Variants in ARHGAP35 observed in about 807,000 individuals in gnomAD.
ARHGAP35 encodes the protein rho GTPase-activating protein 35.
Under a neutral mutation model 111.1 loss-of-function variants are expected in ARHGAP35, and 15 were observed. The observed-to-expected ratio is 0.13, with a 90% CI of 0.09 to 0.21. The LOEUF (loss-of-function observed/expected upper bound fraction) is 0.21, where lower values mean the gene tolerates loss of function less well. Among genes scored for constraint, ARHGAP35 ranks in the 10% least tolerant of loss-of-function variants. The pLI, the probability that ARHGAP35 is intolerant of heterozygous loss-of-function variation, is 1.00. For missense variants in ARHGAP35, 1,262 were observed against 1,873.0 expected (o/e 0.67, Z 6.02); for synonymous variants, 643 against 710.3 (o/e 0.91, Z 1.51).
intron 1 of ARHGAP35, among the ~76,000 whole-genome samples, chr19:46,874,152 C>T (rs1480857058): frequency 6.6e-6 from 1 of 152,152 alleles, no homozygotes; most frequent in Non-Finnish European, 1.5e-5. Context: ...GAAGAGGGAA[C>T]AAACTAGTTC....
intron 3 of ARHGAP35, among the ~76,000 whole-genome samples, chr19:46,938,240 A>G (rs570227906): frequency 6.6e-6 from 1 of 152,356 alleles, no homozygotes; most frequent in East Asian, 1.9e-4. Flanking sequence ...TGGACAGCCT[A>G]CTAGGCTCTG....
rs763485583 is a variant in ARHGAP35 at position 46,919,726 on chromosome 19, C to G, written c.1051C>G (p.Leu351Val). 14 of 1,613,858 alleles carry G rather than the reference C, an allele frequency of 8.7e-6. No homozygotes were observed. The highest frequency in any genetic ancestry group is 1.2e-5 in the Non-Finnish European group (14 of 1,179,890). ...LAALPLAFEA[L>V]IPNLDEIDHL... ...AGCCCTGCCATTAGCTTTTGAAGCT[C>G]TTATACCTAATCTAGATGAAATAGA... The change falls in exon 2 of 7, where the codon CTT becomes GTT. Residue 351 changes from leucine (L) to valine (V), a missense_variant. Physicochemically the swap from Leu to Val is conservative, Grantham distance 32. Transcript: ENST00000672722. The surrounding 1 kb of genome is among the most constrained non-coding windows in gnomAD (Gnocchi z 6.2).
intron 1 of ARHGAP35, among the ~76,000 whole-genome samples, chr19:46,899,802 CTT>C (rs2056075745): frequency 6.6e-6 from 1 of 151,824 alleles, no homozygotes; most frequent in African/African-American, 2.4e-5. Context: ...TGAGGAAACT[CTT>C]ATGATAGCTC....
intron 3 of ARHGAP35, among the ~76,000 whole-genome samples, chr19:46,965,689 T>A (rs1445366344): frequency 6.6e-6 from 1 of 152,170 alleles, no homozygotes; most frequent in Non-Finnish European, 1.5e-5. Context: ...TTCGCCATGT[T>A]GCCCAGGCTG....
rs1012909948 is a variant in ARHGAP35 at position 46,956,274 on chromosome 19, C to T, written c.3826+18866C>T. Among the ~76,000 whole-genome samples the T allele has an allele frequency of 1.6e-4, 25 of 152,102 alleles. 1 individual carries two copies. The highest frequency in any genetic ancestry group is 1.6e-3 in the Admixed American group (25 of 15,268). On this transcript the variant is annotated intron_variant, in intron 3 of 6. Transcript: ENST00000672722. ...CAGAGGCCACAGTAAGCTGAGATTGCACCATTGCACTGCAACCTGGGTGAT... is the reference window on the plus strand; with the variant it reads ...CAGAGGCCACAGTAAGCTGAGATTGTACCATTGCACTGCAACCTGGGTGAT...
intron 1 of ARHGAP35, among the ~76,000 whole-genome samples, chr19:46,910,844 G>A (rs1350358186): frequency 6.6e-6 from 1 of 152,114 alleles, no homozygotes; most frequent in East Asian, 1.9e-4. Flanking sequence ...ACCCACCTCA[G>A]CCTCCCAAAG....
At chr19:46,936,114 C>T (rs536494986) in intron 2 of ARHGAP35, among the ~76,000 whole-genome samples, 2 of 152,270 alleles carry the variant, frequency 1.3e-5, no homozygotes, top group South Asian at 2.1e-4. Flanking sequence ...AGCCTGGGTA[C>T]ATGCCTGTGG....
At chr19:46,951,414 G>A (rs899154886) in intron 3 of ARHGAP35, among the ~76,000 whole-genome samples, 2 of 152,088 alleles carry the variant, frequency 1.3e-5, no homozygotes, top group South Asian at 2.1e-4. Context: ...TGGGGACTGC[G>A]CATGTGCATG....
intron 3 of ARHGAP35, 150 bp downstream of exon 3, chr19:46,937,558 A>G: frequency 2.3e-6 from 2 of 871,748 alleles, no homozygotes; most frequent in South Asian, 3.5e-5. Context: ...CAGTTGTCAG[A>G]TGTGTAGATT....
rs1443551011 is a variant in ARHGAP35, at chr19:47,000,084, C to T, written c.4143-247C>T. On this transcript the variant is annotated intron_variant, in intron 6 of 6. Transcript: ENST00000672722. The surrounding 1 kb of genome is among the most constrained non-coding windows in gnomAD (Gnocchi z 6.9). ...AGTCCCTGAGGTGGTCCATCCACCC[C>T]CAGGGGTTTGCGGGGCTCCAGGCAG... Among the ~76,000 whole-genome samples, 2 of 152,168 alleles carry T rather than the reference C, an allele frequency of 1.3e-5. No individual in the cohort carries two copies. The highest frequency in any genetic ancestry group is 4.8e-5 in the African/African-American group (2 of 41,440).
At chr19:46,935,965 C>T (rs1306107877) in intron 2 of ARHGAP35, among the ~76,000 whole-genome samples, 1 of 152,174 alleles carries the variant, frequency 6.6e-6, no homozygotes, top group African/African-American at 2.4e-5. Flanking sequence ...TCCAAGCAGT[C>T]ACTTAGTAGT....
intron 3 of ARHGAP35, among the ~76,000 whole-genome samples, chr19:46,977,749 C>T (rs1275490276): frequency 6.6e-6 from 1 of 152,220 alleles, no homozygotes; most frequent in Non-Finnish European, 1.5e-5. Flanking sequence ...ACTCTGGAAT[C>T]GGACTGCCCG....
At chr19:46,939,121 C>T (rs936366390) in intron 3 of ARHGAP35, among the ~76,000 whole-genome samples, 6 of 151,984 alleles carry the variant, frequency 3.9e-5, no homozygotes, top group South Asian at 2.1e-4. Flanking sequence ...GTACCCAAAG[C>T]GGTTTCTCAT....
chr19:46,937,408 G>A lies in ARHGAP35; in HGVS notation c.3826G>A (p.Gly1276Arg), dbSNP rs2056315938. The change falls in exon 3 of 7, where the codon GGA becomes AGA. Residue 1276 changes from glycine to arginine, a missense_variant and splice_region_variant. By Grantham distance (125) the Gly-to-Arg change is moderately radical. Transcript: ENST00000672722. ...ERCIEYIEAT[G>R]LSTEGIYRVS... is the part of the protein sequence containing the mutation. ...ATGTATTGAGTACATTGAAGCCACA[G>A]GTAAGAGTATTACCTCATAGCAGTT... 6.2e-7 allele frequency: 1 copy of A among 1,613,708 alleles called. No homozygotes were observed. The highest frequency in any genetic ancestry group is 1.7e-5 in the Admixed American group (1 of 59,998).
chr19:46,875,239 C>T (rs1477030589), intron 1 of ARHGAP35, among the ~76,000 whole-genome samples: 1 of 151,062 alleles, frequency 6.6e-6, no homozygotes, highest in Non-Finnish European at 1.5e-5. Flanking sequence ...TTTCTGTTGT[C>T]GGGGAGAGTA....
intron 1 of ARHGAP35, among the ~76,000 whole-genome samples, chr19:46,910,030 T>C (rs547498050): frequency 6.6e-6 from 1 of 152,334 alleles, no homozygotes; most frequent in Middle Eastern, 3.4e-3. Context: ...TTATGTAAGA[T>C]GATTAACTCC....
chr19:46,975,485 G>A (rs902216222), intron 3 of ARHGAP35, among the ~76,000 whole-genome samples: 1 of 152,140 alleles, frequency 6.6e-6, no homozygotes, highest in Non-Finnish European at 1.5e-5. Flanking sequence ...GGGCCTGTGT[G>A]GGGCTTGTTC....
intron 3 of ARHGAP35, among the ~76,000 whole-genome samples, chr19:46,979,053 GATGT>G (rs1176056267): frequency 7.8e-5 from 11 of 140,240 alleles, no homozygotes; most frequent in Admixed American, 7.1e-4. Flanking sequence ...TGTGTGGTGG[GATGT>G]GTGTGTGTGG....
intron 1 of ARHGAP35, among the ~76,000 whole-genome samples, chr19:46,910,670 A>G (rs1287497757): frequency 6.6e-6 from 1 of 151,842 alleles, no homozygotes; most frequent in African/African-American, 2.4e-5. Flanking sequence ...GCTCACTGCA[A>G]CCTCTGCCTC....
Sources: allele counts gnomAD v4.1 joint callset (sites outside exome capture counted in the v4.1 genomes callset), GRCh38; gene constraint gnomAD v4.1.1; non-coding constraint Gnocchi (gnomAD v3.1); transcripts MANE v1.5; gene names NCBI Gene and HGNC (gene_info 2026-07-23, HGNC 2026-07-21).